The following EXTL3 variants were observed in gnomAD, a reference collection of about 807,000 sequenced individuals.
The protein encoded by EXTL3 is exostosin-like 3.
In EXTL3, 27 loss-of-function variants were observed where a neutral mutation model predicts 69.3. The ratio of observed to expected loss-of-function variants is 0.39; its 90% CI spans 0.29 to 0.54. EXTL3 has a LOEUF of 0.54. EXTL3 is among the 20% of genes least tolerant of loss of function. The probability of loss-of-function intolerance (pLI) is 0.69; values close to 1 mark genes in which losing one functional copy is unlikely to be tolerated. For synonymous variants in EXTL3, 511 were observed against 499.4 expected (o/e 1.02, Z -0.31); for missense variants, 1,003 against 1,231.8 (o/e 0.81, Z 2.78).
At chr8:28,746,266 A>G (rs1460255694) in intron 6 of EXTL3, among the ~76,000 whole-genome samples, 1 of 152,196 alleles carries the variant, frequency 6.6e-6, no homozygotes, top group East Asian at 1.9e-4. Flanking sequence ...TTAATGTCAT[A>G]TTATTTCTTT....
chr8:28,626,484 T>A (rs1563428295), intron 1 of EXTL3, among the ~76,000 whole-genome samples: 1 of 152,184 alleles, frequency 6.6e-6, no homozygotes, highest in Non-Finnish European at 1.5e-5. Context: ...GTGGAACGTG[T>A]GGCCAAATGG....
chr8:28,673,389 G>T (rs1183444329), intron 1 of EXTL3, among the ~76,000 whole-genome samples: 1 of 152,164 alleles, frequency 6.6e-6, no homozygotes, highest in South Asian at 2.1e-4. Context: ...ATGTGAGCAG[G>T]CATCATCTGA....
At position 28,657,591 on chromosome 8, in the gene EXTL3, T is replaced by C. The variant is rs528495730; in HGVS notation, c.-53+34781T>C. ...CCTTCAAGGTTTCTGGACTACATGG[T>C]TTGGTAACAATCATGGTTTGGTTTT... is the stretch of plus-strand genomic sequence containing the variant. On this transcript the variant is annotated intron_variant, in intron 1 of 6. Coordinates refer to the EXTL3 transcript ENST00000523149. 2.0e-5 allele frequency among the ~76,000 whole-genome samples: 3 copies of C among 152,254 alleles called. No individual in the cohort carries two copies. The South Asian group carries it at 6.2e-4, about 32-fold the overall frequency.
chr8:28,616,009 C>T (rs533839293), intron 2 of EXTL3, among the ~76,000 whole-genome samples: 54 of 150,518 alleles, frequency 3.6e-4, no homozygotes, highest in African/African-American at 1.2e-3. Flanking sequence ...CTGTGGCAGG[C>T]GGGTCACTTG....
chr8:28,633,412 G>A (rs781219881), intron 1 of EXTL3, among the ~76,000 whole-genome samples: 10 of 152,106 alleles, frequency 6.6e-5, no homozygotes, highest in Non-Finnish European at 1.5e-4. Flanking sequence ...CACTTTGGGA[G>A]GCTGAGGTGG....
At chr8:28,610,512 G>A (rs1806257515) in intron 2 of EXTL3, among the ~76,000 whole-genome samples, 1 of 152,110 alleles carries the variant, frequency 6.6e-6, no homozygotes, top group East Asian at 1.9e-4. Context: ...TGGGATCCCA[G>A]AGCCCAGGCA....
At chr8:28,723,980 C>CTT (rs375453638) in intron 3 of EXTL3, among the ~76,000 whole-genome samples, 8 of 145,886 alleles carry the variant, frequency 5.5e-5, no homozygotes, top group African/African-American at 1.8e-4. Context: ...TATTTTTTTT[C>CTT]TTTTTTTTTT....
chr8:28,721,463 CT>C (rs1801291147), intron 3 of EXTL3, among the ~76,000 whole-genome samples: 1 of 152,210 alleles, frequency 6.6e-6, no homozygotes, highest in Admixed American at 6.5e-5. Context: ...TTTTAGCTGT[CT>C]TTCTTGGTAC....
intron 2 of EXTL3, among the ~76,000 whole-genome samples, chr8:28,608,386 GCT>G (rs1488863624): frequency 6.6e-6 from 1 of 152,034 alleles, no homozygotes; most frequent in East Asian, 1.9e-4. Context: ...CCAAGATAAG[GCT>G]CTCCACTTTA....
chr8:28,666,047 T>C (rs1013355484), intron 1 of EXTL3, among the ~76,000 whole-genome samples: 1 of 152,248 alleles, frequency 6.6e-6, no homozygotes, highest in African/African-American at 2.4e-5. Flanking sequence ...CTCATCCTAA[T>C]GCTTTCTGCC....
chr8:28,751,993 A>C lies in EXTL3; in HGVS notation c.*1127A>C, dbSNP rs547919322. 6 of 152,486 alleles carry C rather than the reference A, an allele frequency of 3.9e-5. No individual in the cohort carries two copies. The highest frequency in any genetic ancestry group is 2.0e-4 in the Admixed American group (3 of 15,300). The allele number at this position is 152,486 out of a possible 1,614,324, so 9.4% of individuals were successfully genotyped here. ...CCTGCCTTGGGATAATTCCTTGGTGAAATTCACCTTCCCCCCGCCTCTGTC... is the reference window on the plus strand; with the variant it reads ...CCTGCCTTGGGATAATTCCTTGGTGCAATTCACCTTCCCCCCGCCTCTGTC... On this transcript the variant is annotated 3_prime_UTR_variant, in exon 7 of 7. Coordinates refer to ENST00000220562, the MANE Select transcript of EXTL3 (RefSeq NM_001440.4).
chr8:28,710,616 T>TTC, intron 1 of EXTL3: 1 of 225,090 alleles, frequency 4.4e-6, no homozygotes, highest in Non-Finnish European at 9.0e-6. Context: ...TTTCTTTCTT[T>TTC]TTTTTTTTTT....
intron 1 of EXTL3, among the ~76,000 whole-genome samples, chr8:28,652,930 T>C (rs1806950333): frequency 6.6e-6 from 1 of 152,126 alleles, no homozygotes; most frequent in African/African-American, 2.4e-5. Flanking sequence ...CCCATATACC[T>C]CTCACCTCCA....
intron 4 of EXTL3, among the ~76,000 whole-genome samples, chr8:28,733,229 T>C (rs1175553727): frequency 6.6e-6 from 1 of 152,190 alleles, no homozygotes; most frequent in African/African-American, 2.4e-5. Context: ...AGGCTGTTTT[T>C]CACGGTGGCA....
intron 1 of EXTL3, among the ~76,000 whole-genome samples, chr8:28,664,235 G>A (rs1294489440): frequency 2.0e-5 from 3 of 152,224 alleles, no homozygotes; most frequent in African/African-American, 7.2e-5. Flanking sequence ...GAGGATGGAA[G>A]TCTGGGATCA....
chr8:28,722,774 T>TAAAAA (rs397711641), intron 3 of EXTL3, among the ~76,000 whole-genome samples: 2 of 97,604 alleles, frequency 2.0e-5, no homozygotes, highest in Admixed American at 1.1e-4. Flanking sequence ...ACCCTGTCTC[T>TAAAAA]AAAAAAAAAA....
At chr8:28,728,958 C>T (rs1021614604) in intron 3 of EXTL3, among the ~76,000 whole-genome samples, 23 of 152,122 alleles carry the variant, frequency 1.5e-4, no homozygotes, top group Non-Finnish European at 2.5e-4. Context: ...CACATGCCTT[C>T]TTAATTGGCA....
chr8:28,666,344 C>T (rs1807196380), intron 1 of EXTL3, among the ~76,000 whole-genome samples: 1 of 152,036 alleles, frequency 6.6e-6, no homozygotes, highest in African/African-American at 2.4e-5. Context: ...GTGGCATGAT[C>T]ATGGCTTCCT....
intron 1 of EXTL3, among the ~76,000 whole-genome samples, chr8:28,643,025 C>T (rs1806768846): frequency 6.6e-6 from 1 of 152,086 alleles, no homozygotes; most frequent in East Asian, 1.9e-4. Flanking sequence ...AGATGGATCA[C>T]CTGAGGGCAG....
Sources: allele counts gnomAD v4.1 joint callset (sites outside exome capture counted in the v4.1 genomes callset), GRCh38; gene constraint gnomAD v4.1.1; transcripts MANE v1.5; gene names NCBI Gene and HGNC (gene_info 2026-07-23, HGNC 2026-07-21).